The following HS6ST2 variants were observed in gnomAD, a reference collection of about 807,000 sequenced individuals.
HS6ST2 encodes heparan-sulfate 6-O-sulfotransferase 2.
Under a neutral mutation model 33.0 loss-of-function variants are expected in HS6ST2, and 17 were observed. The observed-to-expected ratio is 0.52, with a 90% confidence interval of 0.35 to 0.77. The LOEUF is 0.77. Among genes scored for constraint, HS6ST2 ranks in the 30% least tolerant of loss-of-function variants. HS6ST2 has a pLI of 0.01. For missense variants in HS6ST2, 519 were observed against 551.7 expected, an observed-to-expected ratio of 0.94 and a Z score of 0.59; for synonymous variants, 248 against 237.1, an observed-to-expected ratio of 1.05 and a Z score of -0.42.
At chrX:132,880,313 A>T (rs1689140387) in intron 2 of HS6ST2, among the ~76,000 whole-genome samples, 1 of 110,766 alleles carries the variant, frequency 9.0e-6, no homozygotes, top group Non-Finnish European at 1.9e-5. Flanking sequence ...AGGTGGGTGG[A>T]TCAACTGAGG....
At chrX:132,639,602 C>T (rs1465405700) in intron 4 of HS6ST2, among the ~76,000 whole-genome samples, 1 of 111,519 alleles carries the variant, frequency 9.0e-6, no homozygotes, top group Non-Finnish European at 1.9e-5. Context: ...TCTAGGAACT[C>T]CTCCCTCCAC....
intron 2 of HS6ST2, among the ~76,000 whole-genome samples, chrX:132,926,046 T>C (rs150175831): frequency 6.6e-4 from 74 of 112,271 alleles, no homozygotes; most frequent in Non-Finnish European, 1.1e-3. Context: ...AAATAGCTGA[T>C]TCTAGATTCC....
At position 132,637,788 on chromosome X, in the gene HS6ST2, TTA is replaced by T. The variant is rs1352339287; in HGVS notation, c.1068-8697_1068-8696del. ...ATTATATATTTATATATATAATATT[TTA>T]TATATATAATATTATATATTATTTT... is the stretch of plus-strand genomic sequence containing the variant. On this transcript the variant is annotated intron_variant, in intron 4 of 4. Coordinates refer to ENST00000370833, the MANE Select transcript of HS6ST2 (RefSeq NM_001394073.1). Among the ~76,000 whole-genome samples the T allele has an allele frequency of 5.8e-3, 334 of 57,764 alleles. 5 individuals carry two copies. Among genetic ancestry groups the T allele is most frequent in the Middle Eastern group, 8.2e-3 (1 of 122 alleles). 50.2% of individuals were successfully genotyped at this position (57,764 alleles called of 115,157 possible).
chrX:132,747,889 C>G (rs1286483513), intron 2 of HS6ST2, among the ~76,000 whole-genome samples: 1 of 111,575 alleles, frequency 9.0e-6, no homozygotes, highest in Admixed American at 9.5e-5. Flanking sequence ...GGGAAGGAAA[C>G]TGCAGGCTGG....
intron 2 of HS6ST2, among the ~76,000 whole-genome samples, chrX:132,942,065 T>G (rs2066893269): frequency 8.9e-6 from 1 of 111,953 alleles, no homozygotes; most frequent in Non-Finnish European, 1.9e-5. Context: ...TATGCATCAT[T>G]CACACCAATA....
chrX:132,747,697 C>T (rs769291820), intron 2 of HS6ST2, among the ~76,000 whole-genome samples: 3 of 111,118 alleles, frequency 2.7e-5, no homozygotes, highest in Non-Finnish European at 5.7e-5. Context: ...AGGCCCCTTC[C>T]AGCCCTAATG....
chrX:132,716,938 C>A (rs1159014743), intron 2 of HS6ST2, among the ~76,000 whole-genome samples: 1 of 112,169 alleles, frequency 8.9e-6, no homozygotes, highest in Non-Finnish European at 1.9e-5. Flanking sequence ...CTATGGAATC[C>A]AAAATATTTT....
intron 2 of HS6ST2, among the ~76,000 whole-genome samples, chrX:132,900,322 A>G (rs2066415641): frequency 8.9e-6 from 1 of 112,070 alleles, no homozygotes; most frequent in Admixed American, 9.5e-5. Flanking sequence ...TGCTGGAGCT[A>G]CAAAAAGGAA....
intron 2 of HS6ST2, among the ~76,000 whole-genome samples, chrX:132,913,104 C>A (rs2066549915): frequency 9.0e-6 from 1 of 111,320 alleles, no homozygotes; most frequent in South Asian, 3.8e-4. Context: ...TCTCGAGTCC[C>A]CTCTCTACTG....
At chrX:132,892,907 T>A (rs1465999190) in intron 2 of HS6ST2, among the ~76,000 whole-genome samples, 2 of 112,606 alleles carry the variant, frequency 1.8e-5, no homozygotes, top group African/African-American at 6.4e-5. Context: ...AAGTCATCTC[T>A]AGAGTGCTTC....
At position 132,849,134 on chromosome X, in the gene HS6ST2, C is replaced by T. The variant is rs769310831; in HGVS notation, c.947+107674G>A. The stretch of plus-strand genomic sequence containing the variant: ...AAATCTCTTTTTAATGTCCGTTTTT[C>T]TCTCTGTTGTAATTTTTAATAAATT... On this transcript the variant is annotated intron_variant, in intron 2 of 4. Transcript: ENST00000370833. Among the ~76,000 whole-genome samples, 10 of 111,667 alleles carry T rather than the reference C, an allele frequency of 9.0e-5. 1 individual carries two copies. The East Asian group carries it at 2.8e-3, about 31-fold the overall frequency.
At chrX:132,840,996 T>C (rs2065702326) in intron 2 of HS6ST2, among the ~76,000 whole-genome samples, 1 of 112,154 alleles carries the variant, frequency 8.9e-6, no homozygotes, top group Non-Finnish European at 1.9e-5. Context: ...TGCAACAAAG[T>C]TGTTCTTAAA....
At chrX:132,855,163 CT>C (rs1370541866) in intron 2 of HS6ST2, among the ~76,000 whole-genome samples, 17 of 111,981 alleles carry the variant, frequency 1.5e-4, no homozygotes, top group African/African-American at 5.5e-4. Flanking sequence ...CAGCAAGAAC[CT>C]CTTCGATAGC....
intron 2 of HS6ST2, among the ~76,000 whole-genome samples, chrX:132,782,902 A>G (rs2065028048): frequency 8.9e-6 from 1 of 111,832 alleles, no homozygotes; most frequent in African/African-American, 3.3e-5. Context: ...AGATGCTGGG[A>G]TAGAAGCCAG....
chrX:132,912,249 G>C (rs1049153886), intron 2 of HS6ST2, among the ~76,000 whole-genome samples: 10 of 112,779 alleles, frequency 8.9e-5, no homozygotes, highest in Admixed American at 9.3e-5. Context: ...CCCTCATGGG[G>C]CATCAGTTTC....
intron 4 of HS6ST2, among the ~76,000 whole-genome samples, chrX:132,656,458 T>A (rs2063730312): frequency 2.7e-5 from 3 of 111,244 alleles, no homozygotes; most frequent in Admixed American, 9.6e-5. Context: ...TTTTATTTAT[T>A]TATTTTTATT....
chrX:132,930,127 G>A (rs1227640524), intron 2 of HS6ST2, among the ~76,000 whole-genome samples: 1 of 109,502 alleles, frequency 9.1e-6, no homozygotes, highest in African/African-American at 3.3e-5. Context: ...TTTTTTTTTC[G>A]CTTTGCTTTT....
Position 132,797,021 on chromosome X carries a change from G to T in HS6ST2, c.948-88527C>A, listed in dbSNP as rs1427909456. Among the ~76,000 whole-genome samples the T allele has an allele frequency of 2.7e-5, 3 of 111,774 alleles. No individual in the cohort carries two copies. The East Asian group carries it at 8.4e-4, about 31-fold the overall frequency. ...ACACTGCATTATGTTCTTTGAGCCAGAAAACTTCAGTAGTCCCCGATTAGC... is the reference window on the plus strand; with the variant it reads ...ACACTGCATTATGTTCTTTGAGCCATAAAACTTCAGTAGTCCCCGATTAGC... On this transcript the variant is annotated intron_variant, in intron 2 of 4. Transcript: ENST00000370833.
chrX:132,727,341 G>A (rs1415620382), intron 2 of HS6ST2, among the ~76,000 whole-genome samples: 2 of 110,584 alleles, frequency 1.8e-5, no homozygotes, highest in East Asian at 5.7e-4. Flanking sequence ...GTGCTTAGGC[G>A]CTTGGAATTC....
Sources: allele counts gnomAD v4.1 joint callset (sites outside exome capture counted in the v4.1 genomes callset), GRCh38; gene constraint gnomAD v4.1.1; transcripts MANE v1.5; gene names NCBI Gene and HGNC (gene_info 2026-07-23, HGNC 2026-07-21).